Variants in PRKG1 observed in about 807,000 individuals in gnomAD.
PRKG1 encodes the protein cGMP-dependent protein kinase 1.
Under a neutral mutation model 88.1 loss-of-function variants are expected in PRKG1, and 35 were observed. That is an observed-to-expected ratio of 0.40 (90% CI 0.30 to 0.53). PRKG1 has a LOEUF of 0.53. Among genes scored for constraint, PRKG1 ranks in the 20% least tolerant of loss-of-function variants. The pLI, the probability that PRKG1 is intolerant of heterozygous loss-of-function variation, is 0.59. For missense variants in PRKG1, 540 were observed against 839.8 expected (o/e 0.64, Z 4.41); for synonymous variants, 303 against 292.5 (o/e 1.04, Z -0.37).
At chr10:52,143,809 G>GT (rs1232436244) in intron 8 of PRKG1, among the ~76,000 whole-genome samples, 2 of 151,982 alleles carry the variant, frequency 1.3e-5, no homozygotes, top group African/African-American at 4.8e-5. Context: ...TTACAGAGCA[G>GT]TTAAAAGAGT....
chr10:52,212,841 A>G (rs762271090), intron 9 of PRKG1, among the ~76,000 whole-genome samples: 17 of 152,162 alleles, frequency 1.1e-4, no homozygotes, highest in Non-Finnish European at 2.2e-4. Context: ...TCGCAAAGGG[A>G]TTGTAGCTTT....
intron 2 of PRKG1, among the ~76,000 whole-genome samples, chr10:51,381,436 C>T (rs1023785752): frequency 6.6e-6 from 1 of 151,992 alleles, no homozygotes; most frequent in Non-Finnish European, 1.5e-5. Flanking sequence ...AGCTGCTTCT[C>T]TTGGTGCAGT....
chr10:51,035,741 G>T (rs1418348202), intron 1 of PRKG1, among the ~76,000 whole-genome samples: 1 of 151,834 alleles, frequency 6.6e-6, no homozygotes, highest in Non-Finnish European at 1.5e-5. Context: ...TGCACTTGTG[G>T]ATCATTTGGA....
chr10:52,011,325 A>C (rs726195), intron 5 of PRKG1, among the ~76,000 whole-genome samples: 1 of 152,086 alleles, frequency 6.6e-6, no homozygotes, highest in South Asian at 2.1e-4. Context: ...AAAAGCCTAC[A>C]TGTGCTGTTA....
chr10:51,272,177 A>T (rs1018285999), intron 2 of PRKG1, among the ~76,000 whole-genome samples: 1 of 152,200 alleles, frequency 6.6e-6, no homozygotes, highest in Non-Finnish European at 1.5e-5. Flanking sequence ...AGTGATGATT[A>T]GCTTTTTTTC....
In PRKG1 at chr10:51,753,439, A is replaced by G. The variant is rs549202229; in HGVS notation, c.593-51146A>G. On this transcript the variant is annotated intron_variant, in intron 3 of 17. Transcript: ENST00000373980. ...ATCAAGTATAGCAGCACTGTCCCCA[A>G]AATTGTTAAAAATGAAGACACTCGG... Among the ~76,000 whole-genome samples the G allele has an allele frequency of 7.2e-4, 110 of 152,250 alleles. 2 individuals are homozygous for G. Among genetic ancestry groups the G allele is most frequent in the African/African-American group, 2.5e-3 (105 of 41,552 alleles).
intron 2 of PRKG1, among the ~76,000 whole-genome samples, chr10:51,439,425 T>C (rs1211402330): frequency 2.0e-5 from 3 of 151,876 alleles, no homozygotes; most frequent in Admixed American, 6.6e-5. Flanking sequence ...ACTTAACCAA[T>C]ACAAGATAGA....
intron 4 of PRKG1, among the ~76,000 whole-genome samples, chr10:51,831,694 C>A (rs1023864520): frequency 6.6e-6 from 1 of 152,182 alleles, no homozygotes; most frequent in Non-Finnish European, 1.5e-5. Context: ...TCTCTTATCT[C>A]TGCATTCTGG....
chr10:51,762,544 G>A (rs887372265), intron 3 of PRKG1, among the ~76,000 whole-genome samples: 1 of 152,102 alleles, frequency 6.6e-6, no homozygotes, highest in African/African-American at 2.4e-5. Context: ...AATGCAAAAT[G>A]CCCTCATATA....
At chr10:51,391,019 G>A (rs1488869533) in intron 2 of PRKG1, among the ~76,000 whole-genome samples, 3 of 152,152 alleles carry the variant, frequency 2.0e-5, no homozygotes, top group African/African-American at 4.8e-5. Flanking sequence ...GGTGGATTAT[G>A]GTGTTATCCT....
intron 3 of PRKG1, among the ~76,000 whole-genome samples, chr10:51,766,525 C>A (rs1838168531): frequency 6.6e-6 from 1 of 152,146 alleles, no homozygotes. Context: ...TCTGTGCCTG[C>A]AGTTTAATTT....
At chr10:52,110,101 C>A (rs1222872289) in intron 7 of PRKG1, among the ~76,000 whole-genome samples, 2 of 151,916 alleles carry the variant, frequency 1.3e-5, no homozygotes, top group African/African-American at 4.9e-5. Flanking sequence ...GTAATCCTAG[C>A]ACTTTGGGAG....
intron 4 of PRKG1, among the ~76,000 whole-genome samples, chr10:51,897,544 T>A (rs1187818375): frequency 6.6e-6 from 1 of 152,214 alleles, no homozygotes; most frequent in Non-Finnish European, 1.5e-5. Context: ...TATAATCTTT[T>A]GAAAATATCA....
chr10:51,735,706 A>G (rs1308508134), intron 3 of PRKG1, among the ~76,000 whole-genome samples: 1 of 151,958 alleles, frequency 6.6e-6, no homozygotes, highest in Non-Finnish European at 1.5e-5. Flanking sequence ...AATACCTAAT[A>G]CAAAATGTAA....
intron 9 of PRKG1, among the ~76,000 whole-genome samples, chr10:52,193,648 C>T (rs34538044): frequency 6.7e-6 from 1 of 148,858 alleles, no homozygotes; most frequent in African/African-American, 2.5e-5. Context: ...TTTCAAAGGA[C>T]AGCCTACATT....
intron 9 of PRKG1, among the ~76,000 whole-genome samples, chr10:52,163,722 T>A (rs190033883): frequency 7.2e-4 from 110 of 152,288 alleles, no homozygotes; most frequent in Non-Finnish European, 1.4e-3. Context: ...TGTGTGTACA[T>A]CTCCTAAATT....
intron 3 of PRKG1, among the ~76,000 whole-genome samples, chr10:51,502,934 A>T (rs1841074608): frequency 6.6e-6 from 1 of 152,166 alleles, no homozygotes; most frequent in South Asian, 2.1e-4. Flanking sequence ...TTCAAAGATG[A>T]GTGCATTTGA....
At chr10:52,286,694 CAT>C (rs143783536) in intron 14 of PRKG1, among the ~76,000 whole-genome samples, 223 of 151,710 alleles carry the variant, frequency 1.5e-3, no homozygotes, top group African/African-American at 4.6e-3. Flanking sequence ...ATAGTTAAAA[CAT>C]GTCATTACAG....
At chr10:51,692,548 A>G (rs950848101) in intron 3 of PRKG1, among the ~76,000 whole-genome samples, 1 of 152,110 alleles carries the variant, frequency 6.6e-6, no homozygotes, top group Non-Finnish European at 1.5e-5. Context: ...CCGCCCAACT[A>G]TACCATTTTC....
Sources: gnomAD v4.1 joint callset for allele counts (sites outside exome capture counted in the v4.1 genomes callset) on GRCh38, gnomAD v4.1.1 for gene constraint, MANE v1.5 for transcripts, NCBI Gene and HGNC (gene_info 2026-07-23, HGNC 2026-07-21) for gene names.